The following ZNF609 variants were observed in gnomAD, a reference collection of about 807,000 sequenced individuals.
ZNF609 encodes the protein zinc finger protein 609.
A neutral mutation model predicts 109.5 loss-of-function variants in ZNF609; 11 were observed. The observed-to-expected ratio is 0.10, with a 90% CI of 0.06 to 0.17. ZNF609 has a LOEUF of 0.17. Among genes scored for constraint, ZNF609 ranks in the 10% least tolerant of loss-of-function variants. The probability of loss-of-function intolerance (pLI) is 1.00; values close to 1 mark genes in which losing one functional copy is unlikely to be tolerated. For missense variants in ZNF609, 1,559 were observed against 1,772.4 expected (o/e 0.88, Z 2.16); for synonymous variants, 646 against 662.0 (o/e 0.98, Z 0.37).
intron 2 of ZNF609, among the ~76,000 whole-genome samples, chr15:64,577,023 A>G (rs1274704022): frequency 2.4e-5 from 1 of 40,866 alleles, no homozygotes; most frequent in African/African-American, 5.9e-5. Context: ...TATACACATA[A>G]ATATATATAT....
intron 3 of ZNF609, among the ~76,000 whole-genome samples, chr15:64,653,420 G>A (rs1312427740): frequency 2.0e-5 from 3 of 152,130 alleles, no homozygotes; most frequent in Non-Finnish European, 2.9e-5. Context: ...CGAGGTGGGC[G>A]GATTGCCTGA....
At chr15:64,623,388 G>A (rs1285918781) in intron 3 of ZNF609, among the ~76,000 whole-genome samples, 1 of 152,188 alleles carries the variant, frequency 6.6e-6, no homozygotes. Context: ...CAGGCCTGAA[G>A]AGAAAAATTA....
At chr15:64,568,866 C>T (rs1375873071) in intron 2 of ZNF609, among the ~76,000 whole-genome samples, 2 of 152,198 alleles carry the variant, frequency 1.3e-5, no homozygotes, top group Non-Finnish European at 2.9e-5. Context: ...TAAATTCTAG[C>T]TTTGCTGAGA....
At chr15:64,557,609 A>G (rs934550790) in intron 2 of ZNF609, among the ~76,000 whole-genome samples, 5 of 152,182 alleles carry the variant, frequency 3.3e-5, no homozygotes, top group African/African-American at 1.2e-4. Context: ...GTGAAGAGCT[A>G]TTAAAGACTT....
rs113371703 is a variant in ZNF609, at chr15:64,588,261, C to CA, written c.748-34554dup. Among the ~76,000 whole-genome samples, 1,111 of 132,328 alleles carry CA rather than the reference C, an allele frequency of 8.4e-3. 19 individuals carry two copies. The highest frequency in any genetic ancestry group is 0.03 in the African/African-American group (1,068 of 36,144). 86.8% of individuals were successfully genotyped at this position (132,328 alleles called of 152,430 possible). On this transcript the variant is annotated intron_variant, in intron 2 of 9. Coordinates refer to ENST00000326648, the MANE Select transcript of ZNF609 (RefSeq NM_015042.2). ...GAAACCCCCGTCTCTACTAAAAATA[C>CA]AAAAAAAAAAAACAAAAATTAGCCG...
chr15:64,633,153 TG>T, intron 3 of ZNF609, among the ~76,000 whole-genome samples: 1 of 151,242 alleles, frequency 6.6e-6, no homozygotes. Context: ...TGTTTTGTTT[TG>T]TTTTGTTTTT....
intron 2 of ZNF609, among the ~76,000 whole-genome samples, chr15:64,562,638 T>A (rs1894697973): frequency 6.6e-6 from 1 of 152,122 alleles, no homozygotes; most frequent in Non-Finnish European, 1.5e-5. Context: ...AGTTTAGTAG[T>A]GCTAGACAAA....
At chr15:64,633,492 C>T (rs1330308443) in intron 3 of ZNF609, among the ~76,000 whole-genome samples, 1 of 152,114 alleles carries the variant, frequency 6.6e-6, no homozygotes, top group Admixed American at 6.5e-5. Flanking sequence ...GTTGCTCAGG[C>T]TTGTCTTCAA....
intron 2 of ZNF609, among the ~76,000 whole-genome samples, chr15:64,549,391 C>T (rs1446406763): frequency 6.6e-6 from 1 of 152,126 alleles, no homozygotes; most frequent in African/African-American, 2.4e-5. Flanking sequence ...AACAGGGTTT[C>T]ACCATGTTTC....
intron 2 of ZNF609, among the ~76,000 whole-genome samples, chr15:64,557,566 A>C (rs1894609455): frequency 6.6e-6 from 1 of 152,186 alleles, no homozygotes; most frequent in African/African-American, 2.4e-5. Context: ...CATTTTATGA[A>C]GTCTCATAAA....
intron 2 of ZNF609, among the ~76,000 whole-genome samples, chr15:64,588,331 G>C (rs1269578428): frequency 6.8e-6 from 1 of 147,568 alleles, no homozygotes; most frequent in Non-Finnish European, 1.5e-5. Flanking sequence ...TGGAGGCTGA[G>C]GCAGGAGAAT....
chr15:64,513,597 A>T (rs185930467), intron 2 of ZNF609, among the ~76,000 whole-genome samples: 3 of 152,356 alleles, frequency 2.0e-5, no homozygotes, highest in Admixed American at 2.0e-4. Flanking sequence ...TACTGGCTCC[A>T]TGAATTCAAC....
chr15:64,471,821 G>C (rs1044897421), intron 1 of ZNF609, among the ~76,000 whole-genome samples: 1 of 152,082 alleles, frequency 6.6e-6, no homozygotes, highest in Non-Finnish European at 1.5e-5. Flanking sequence ...AAACTTAGGT[G>C]ATCCGCCAAC....
At chr15:64,569,502 T>A (rs546969447) in intron 2 of ZNF609, among the ~76,000 whole-genome samples, 25 of 152,278 alleles carry the variant, frequency 1.6e-4, no homozygotes, top group African/African-American at 6.0e-4. Context: ...CCCCAAGGAG[T>A]ATCTTTTCTC....
intron 2 of ZNF609, among the ~76,000 whole-genome samples, chr15:64,621,768 T>A (rs1268131870): frequency 4.6e-4 from 1 of 2,190 alleles, no homozygotes; most frequent in East Asian, 0.5. Flanking sequence ...TGCTTCTTTC[T>A]TTTTTTTTTT....
intron 2 of ZNF609, among the ~76,000 whole-genome samples, chr15:64,554,454 A>G (rs1394054382): frequency 2.0e-5 from 3 of 152,254 alleles, no homozygotes; most frequent in African/African-American, 7.2e-5. Context: ...CAGCCTGGAC[A>G]ACAAGACAAA....
intron 1 of ZNF609, among the ~76,000 whole-genome samples, chr15:64,489,232 A>T (rs1189459846): frequency 6.7e-6 from 1 of 149,794 alleles, no homozygotes; most frequent in African/African-American, 2.5e-5. Flanking sequence ...CTCTCCCAGG[A>T]TGGAGTGCAG....
chr15:64,679,565 A>G (rs1013583242), intron 6 of ZNF609, among the ~76,000 whole-genome samples: 3 of 152,208 alleles, frequency 2.0e-5, no homozygotes, highest in Non-Finnish European at 2.9e-5. Flanking sequence ...CACTCTAAAT[A>G]GAAATAAGCT....
intron 2 of ZNF609, among the ~76,000 whole-genome samples, chr15:64,560,805 G>A (rs893697307): frequency 2.0e-5 from 3 of 152,142 alleles, no homozygotes; most frequent in Non-Finnish European, 4.4e-5. Context: ...TTTAATTTAA[G>A]TGCTAAATTT....
Sources: gnomAD v4.1 joint callset for allele counts (sites outside exome capture counted in the v4.1 genomes callset) on GRCh38, gnomAD v4.1.1 for gene constraint, MANE v1.5 for transcripts, NCBI Gene and HGNC (gene_info 2026-07-23, HGNC 2026-07-21) for gene names.